NETO1: variants seen among roughly 807,000 people sequenced by gnomAD.
NETO1 encodes the protein neuropilin and tolloid like 1.
In NETO1, 26 loss-of-function variants were observed where a neutral mutation model predicts 61.3. That is an observed-to-expected ratio of 0.42 (90% CI 0.31 to 0.59). The LOEUF (loss-of-function observed/expected upper bound fraction) is 0.59. NETO1 is among the 20% of genes least tolerant of loss of function. NETO1 has a pLI of 0.12. For synonymous variants in NETO1, 225 were observed against 225.8 expected (o/e 1.00, Z 0.03); for missense variants, 531 against 662.8 (o/e 0.80, Z 2.18).
chr18:72,858,665 C>A (rs1433445917), intron 4 of NETO1, among the ~76,000 whole-genome samples, 161 bp downstream of exon 4: 2 of 152,018 alleles, frequency 1.3e-5, no homozygotes, highest in Non-Finnish European at 2.9e-5. Context: ...CTTTTCCTTT[C>A]AGAATTTGTG....
chr18:72,865,605 T>A (rs10164255), intron 1 of NETO1: 1 of 1,601,524 alleles, frequency 6.2e-7, no homozygotes, highest in Non-Finnish European at 8.5e-7. Flanking sequence ...CATCTCTGAA[T>A]GAAGAGAGGG....
At chr18:72,759,112 G>A (rs77263385) in intron 7 of NETO1, among the ~76,000 whole-genome samples, 68 of 152,086 alleles carry the variant, frequency 4.5e-4, no homozygotes, top group East Asian at 4.3e-3. Context: ...GACGACTTGC[G>A]TGCACTCGGT....
chr18:72,829,606 C>G (rs1183706832), intron 4 of NETO1, among the ~76,000 whole-genome samples: 1 of 152,114 alleles, frequency 6.6e-6, no homozygotes. Context: ...TAGTTCTATG[C>G]TTGGTTTACC....
intron 3 of NETO1, among the ~76,000 whole-genome samples, chr18:72,863,657 C>CA (rs906228292): frequency 4.4e-4 from 65 of 147,656 alleles, no homozygotes; most frequent in East Asian, 1.2e-3. Context: ...CAATAATTAC[C>CA]AAAAAAAAAA....
At chr18:72,859,992 C>T (rs527324457) in intron 3 of NETO1, among the ~76,000 whole-genome samples, 1 of 152,098 alleles carries the variant, frequency 6.6e-6, no homozygotes, top group African/African-American at 2.4e-5. Flanking sequence ...TTTTACAGCT[C>T]TCTAAAGAAT....
intron 9 of NETO1, 143 bp from the exon 10 acceptor site, chr18:72,749,231 C>T (rs980765024): frequency 4.5e-5 from 26 of 575,558 alleles, no homozygotes; most frequent in Non-Finnish European, 7.7e-5. Context: ...ATCAAATCAA[C>T]TGAAGTATTT....
intron 4 of NETO1, among the ~76,000 whole-genome samples, chr18:72,823,942 A>G (rs979908582): frequency 6.6e-6 from 1 of 152,136 alleles, no homozygotes; most frequent in African/African-American, 2.4e-5. Context: ...TCCTAGACAA[A>G]CAGGACAAAA....
At position 72,865,753 on chromosome 18, in the gene NETO1, A is replaced by G. The variant is rs1324075485; in HGVS notation, c.29-512T>C. 3.5e-6 allele frequency: 5 copies of G among 1,424,532 alleles called. No homozygotes were observed. The Admixed American group carries it at 1.2e-4, about 33-fold the overall frequency. The allele number at this position is 1,424,532 out of a possible 1,614,324, so 88.2% of individuals were successfully genotyped here. ...CCTACAGACTGTGGAGGAGGAGAAT[A>G]AGCAAGAAACAGATTAATGTGGATT... On this transcript the variant is annotated intron_variant, in intron 1 of 10. Coordinates refer to ENST00000327305, the MANE Select transcript of NETO1 (RefSeq NM_138966.5).
At chr18:72,856,618 C>G (rs9965788) in intron 4 of NETO1, among the ~76,000 whole-genome samples, 46,160 of 151,882 alleles carry the variant, frequency 0.3, 7,769 homozygotes, top group East Asian at 0.63. Flanking sequence ...TATAAAGGAC[C>G]GTGTTCAAAA....
chr18:72,799,073 T>A (rs557781035), intron 4 of NETO1, among the ~76,000 whole-genome samples: 6 of 152,248 alleles, frequency 3.9e-5, no homozygotes, highest in Admixed American at 6.5e-5. Context: ...AGCATCATTC[T>A]TAGTGGCTAA....
At chr18:72,751,635 C>T (rs537121691) in intron 8 of NETO1, among the ~76,000 whole-genome samples, 1 of 152,262 alleles carries the variant, frequency 6.6e-6, no homozygotes, top group African/African-American at 2.4e-5. Flanking sequence ...GTGGAGAATG[C>T]CAGGCTTGGA....
chr18:72,764,312 C>T (rs897897663), intron 7 of NETO1, among the ~76,000 whole-genome samples: 2 of 152,098 alleles, frequency 1.3e-5, no homozygotes, highest in Non-Finnish European at 2.9e-5. Context: ...GGAAGCAAAG[C>T]TTAACACTTA....
At chr18:72,858,687 A>G in intron 4 of NETO1, 139 bp downstream of exon 4, 1 of 866,596 alleles carries the variant, frequency 1.2e-6, no homozygotes, top group Non-Finnish European at 1.7e-6. Context: ...AGGGAAAAGA[A>G]AAAGCACTGT....
At chr18:72,791,625 T>C (rs984176498) in intron 6 of NETO1, among the ~76,000 whole-genome samples, 1 of 152,042 alleles carries the variant, frequency 6.6e-6, no homozygotes, top group East Asian at 1.9e-4. Context: ...CAAAAGACAG[T>C]CTATTTACCA....
intron 7 of NETO1, among the ~76,000 whole-genome samples, chr18:72,777,039 C>A (rs1009790188): frequency 3.9e-5 from 6 of 152,162 alleles, no homozygotes; most frequent in African/African-American, 1.4e-4. Flanking sequence ...ATGGGACAGG[C>A]ATAGGACAGT....
intron 4 of NETO1, among the ~76,000 whole-genome samples, chr18:72,803,624 C>T (rs1297546243): frequency 2.0e-5 from 3 of 152,104 alleles, no homozygotes; most frequent in Admixed American, 2.0e-4. Context: ...GAGTTCAAGA[C>T]CAGCCTGACG....
chr18:72,824,710 C>A (rs138544764), intron 4 of NETO1, among the ~76,000 whole-genome samples: 8 of 144,546 alleles, frequency 5.5e-5, no homozygotes, highest in African/African-American at 7.8e-5. Context: ...ACTTAAAATA[C>A]AAAAAAAAAA....
intron 8 of NETO1, among the ~76,000 whole-genome samples, chr18:72,754,239 T>C (rs2145096901): frequency 6.6e-6 from 1 of 152,104 alleles, no homozygotes; most frequent in South Asian, 2.1e-4. Flanking sequence ...ATATACTAAC[T>C]TAAGGCAGAA....
chr18:72,864,894 G>C lies in NETO1; in HGVS notation c.134C>G (p.Thr45Arg). 6.2e-7 allele frequency: 1 copy of C among 1,613,076 alleles called. No individual in the cohort carries two copies. ...AAAGATACCTCCCTCTGCATGTTTT[G>C]TCCAAGTTCCACACTGCACTGACTT... The part of the protein sequence containing the change: ...TQKSVQCGTW[T>R]KHAEGGIFTS... Residue 45 changes from threonine to arginine, a missense_variant, in exon 3 of 11, where the codon ACA becomes AGA. Coordinates refer to ENST00000327305, the MANE Select transcript of NETO1 (RefSeq NM_138966.5).
Sources: gnomAD v4.1 joint callset for allele counts (sites outside exome capture counted in the v4.1 genomes callset) on GRCh38, gnomAD v4.1.1 for gene constraint, MANE v1.5 for transcripts, NCBI Gene and HGNC (gene_info 2026-07-23, HGNC 2026-07-21) for gene names.